TTC13: variants seen among roughly 807,000 people sequenced by gnomAD.
TTC13 encodes the protein tetratricopeptide repeat protein 13.
In TTC13, 62 loss-of-function variants were observed where a neutral mutation model predicts 120.0. That is an observed-to-expected ratio of 0.52 (90% confidence interval 0.42 to 0.64). TTC13 has a LOEUF of 0.64. Among genes scored for constraint, TTC13 ranks in the 30% least tolerant of loss-of-function variants. TTC13 has a pLI of 0.00. For synonymous variants in TTC13, 384 were observed against 393.5 expected, an observed-to-expected ratio of 0.98 and a Z score of 0.28; for missense variants, 824 against 1,050.2, an observed-to-expected ratio of 0.78 and a Z score of 2.98.
In TTC13 at chr1:230,925,664, G is replaced by A. The variant is rs1427580171; in HGVS notation, c.1458-17C>T. 2.5e-6 allele frequency: 4 copies of A among 1,613,216 alleles called. No homozygotes were observed. The South Asian group carries it at 3.3e-5, about 13-fold the overall frequency. Reference sequence around the variant, plus strand: ...AACACATCTCTGGAAGAAACATCATGTACATGATAAGGACTTTTACAACAG... The same window carrying A: ...AACACATCTCTGGAAGAAACATCATATACATGATAAGGACTTTTACAACAG... On this transcript the variant is annotated splice_polypyrimidine_tract_variant and intron_variant, in intron 12 of 22. Transcript: ENST00000366661.
intron 7 of TTC13, 52 bp from the exon 8 acceptor site, chr1:230,939,548 G>A: frequency 8.0e-7 from 1 of 1,245,800 alleles, no homozygotes; most frequent in East Asian, 2.4e-5. Flanking sequence ...TTAGATATGT[G>A]AACATTTCCT....
intron 8 of TTC13, chr1:230,936,106 T>C: frequency 2.2e-6 from 1 of 449,876 alleles, no homozygotes; most frequent in South Asian, 1.6e-5. Flanking sequence ...AAGTCTGGAG[T>C]GCTTGTGGAC....
rs1280282966 is a variant in TTC13 at position 230,971,355 on chromosome 1, A to AAG, written c.271+7204_271+7205insCT. Among the ~76,000 whole-genome samples, 631 of 143,770 alleles carry AAG rather than the reference A, an allele frequency of 4.4e-3. 7 individuals carry two copies. The highest frequency in any genetic ancestry group is 0.017 in the African/African-American group (592 of 34,460). The allele number at this position is 143,770 out of a possible 152,430, so 94.3% of individuals were successfully genotyped here. A position where few individuals can be genotyped will look rare whatever the true frequency, so the allele number is the denominator to read the frequency against. The stretch of plus-strand genomic sequence containing the variant: ...AGCAAGACTCCATCTCAAAAAAAAA[A>AAG]AAAAAAAAAAAGACAACCACAGTTG... On this transcript the variant is annotated intron_variant, in intron 1 of 22. Coordinates refer to ENST00000366661, the MANE Select transcript of TTC13 (RefSeq NM_024525.5).
chr1:230,961,438 G>C (rs1676630595), intron 1 of TTC13, 135 bp from the exon 2 acceptor site: 3 of 635,188 alleles, frequency 4.7e-6, no homozygotes, highest in Non-Finnish European at 5.5e-6. Flanking sequence ...GTGGCAACCA[G>C]CTGGGCACAG....
At chr1:230,927,739 G>C (rs1673164833) in intron 12 of TTC13, among the ~76,000 whole-genome samples, 2 of 152,066 alleles carry the variant, frequency 1.3e-5, no homozygotes, top group African/African-American at 2.4e-5. Context: ...TCTATGCTTT[G>C]TGCTTCTTAT....
chr1:230,945,527 G>A (rs529007521), intron 4 of TTC13, 73 bp from the exon 5 acceptor site: 31 of 1,347,166 alleles, frequency 2.3e-5, no homozygotes, highest in Non-Finnish European at 3.3e-5. Flanking sequence ...TCTGCTTAAA[G>A]CACGTTAATG....
chr1:230,977,265 C>T (rs1232340029), intron 1 of TTC13, among the ~76,000 whole-genome samples: 1 of 152,228 alleles, frequency 6.6e-6, no homozygotes, highest in Non-Finnish European at 1.5e-5. Context: ...TATATGTCGG[C>T]TACTTCTCAT....
chr1:230,928,466 T>C (rs192893739), intron 12 of TTC13, among the ~76,000 whole-genome samples: 56 of 152,348 alleles, frequency 3.7e-4, no homozygotes, highest in African/African-American at 1.2e-3. Flanking sequence ...ACTCTCATCA[T>C]TTCCTATAAT....
intron 15 of TTC13, 149 bp downstream of exon 15, chr1:230,923,692 G>C: frequency 1.6e-6 from 1 of 607,120 alleles, no homozygotes; most frequent in South Asian, 2.2e-5. Context: ...AGGAATGCAG[G>C]CAGGACTCCA....
rs756601081 is a variant in TTC13, at chr1:230,978,690, C to T, written c.141G>A (p.Glu47=). The part of the protein sequence containing the change: ...AGLRPGALAT[E]HYSPLSLLKQ... ...TGAGCAGGGAGAGCGGCGAGTAGTG[C>T]TCGGTGGCCAGGGCGCCTGGCCGCA... Residue 47 remains glutamate, a synonymous_variant, in exon 1 of 23, where the codon GAG becomes GAA. Coordinates refer to ENST00000366661, the MANE Select transcript of TTC13 (RefSeq NM_024525.5). This position sits in a 1 kb window ranked among gnomAD's most constrained non-coding sequence, Gnocchi z 5.6. 6.7e-7 allele frequency: 1 copy of T among 1,494,836 alleles called. No homozygotes were observed. Among genetic ancestry groups the T allele is most frequent in the South Asian group, 1.2e-5 (1 of 80,026 alleles). The allele number at this position is 1,494,836 out of a possible 1,614,324, so 92.6% of individuals were successfully genotyped here.
chr1:230,960,795 C>T (rs891054277), intron 2 of TTC13, among the ~76,000 whole-genome samples: 4 of 152,134 alleles, frequency 2.6e-5, no homozygotes, highest in Admixed American at 6.6e-5. Context: ...GATAGGCAGA[C>T]GCAAACATTA....
intron 1 of TTC13, among the ~76,000 whole-genome samples, chr1:230,966,623 T>C (rs750860128): frequency 5.3e-5 from 8 of 152,162 alleles, no homozygotes; most frequent in Admixed American, 1.3e-4. Context: ...TAGTTCCCTG[T>C]GGGAAAACTG....
intron 1 of TTC13, among the ~76,000 whole-genome samples, chr1:230,963,635 AAAATAAATAAATAAATAAAT>A (rs145205225): frequency 2.7e-5 from 4 of 146,190 alleles, no homozygotes; most frequent in South Asian, 2.2e-4. Flanking sequence ...ACCCTGTCTC[AAAATAAATAAATAAATAAAT>A]AAATAAATAA....
At chr1:230,934,687 A>G (rs994459400) in intron 8 of TTC13, among the ~76,000 whole-genome samples, 5 of 152,246 alleles carry the variant, frequency 3.3e-5, no homozygotes, top group Admixed American at 1.3e-4. Context: ...AATTACGACT[A>G]TATAGCTTAC....
At chr1:230,958,710 A>G (rs936076228) in intron 2 of TTC13, among the ~76,000 whole-genome samples, 3 of 152,202 alleles carry the variant, frequency 2.0e-5, no homozygotes, top group African/African-American at 2.4e-5. Flanking sequence ...GCTTAGATAG[A>G]CGGGGCATGG....
chr1:230,924,079 A>C (rs1487327008), intron 14 of TTC13, 146 bp from the exon 15 acceptor site: 1 of 580,162 alleles, frequency 1.7e-6, no homozygotes, highest in African/African-American at 1.9e-5. Context: ...AATTCCAAAC[A>C]GATGTTCCAG....
intron 11 of TTC13, among the ~76,000 whole-genome samples, chr1:230,929,332 T>TTTTTTTCAGACGGAG: frequency 6.6e-6 from 1 of 151,622 alleles, no homozygotes; most frequent in Non-Finnish European, 1.5e-5. Context: ...ATTTTTTTTT[T>TTTTTTTCAGACGGAG]TTGAGACGGA....
At chr1:230,971,830 C>T (rs3924318) in intron 1 of TTC13, among the ~76,000 whole-genome samples, 109,032 of 152,110 alleles carry the variant, frequency 0.72, 39,431 homozygotes, top group South Asian at 0.82. Context: ...ACAGGCCTTC[C>T]CCACAAAGGC....
At position 230,978,173 on chromosome 1, in the gene TTC13, G is replaced by C. The variant is rs1678550480; in HGVS notation, c.271+387C>G. ...CCGCAAGCCGCCGGGCTGGTTGCTC[G>C]TCCGCCCGCCCCTCCCTCGCCCCTT... is the stretch of plus-strand genomic sequence containing the variant. On this transcript the variant is annotated intron_variant, in intron 1 of 22. Coordinates refer to ENST00000366661, the MANE Select transcript of TTC13 (RefSeq NM_024525.5). This position sits in a 1 kb window ranked among gnomAD's most constrained non-coding sequence, Gnocchi z 5.6. Among the ~76,000 whole-genome samples, 1 of 152,126 alleles carries C rather than the reference G, an allele frequency of 6.6e-6. No individual in the cohort carries two copies. The highest frequency in any genetic ancestry group is 2.4e-5 in the African/African-American group (1 of 41,460).
Sources: allele counts gnomAD v4.1 joint callset (sites outside exome capture counted in the v4.1 genomes callset), GRCh38; gene constraint gnomAD v4.1.1; non-coding constraint Gnocchi (gnomAD v3.1); transcripts MANE v1.5; gene names NCBI Gene and HGNC (gene_info 2026-07-23, HGNC 2026-07-21).